SCHIP1: variants seen among roughly 807,000 people sequenced by gnomAD.
SCHIP1 encodes schwannomin-interacting protein 1.
In SCHIP1, 8 loss-of-function variants were observed where a neutral mutation model predicts 29.7. The observed-to-expected ratio is 0.27, with a 90% CI of 0.16 to 0.49. The LOEUF (loss-of-function observed/expected upper bound fraction) is 0.49, where lower values mean the gene tolerates loss of function less well. SCHIP1 is among the 20% of genes least tolerant of loss of function. The pLI is 0.99. For missense variants in SCHIP1, 193 were observed against 294.6 expected, an observed-to-expected ratio of 0.66 and a Z score of 2.52; for synonymous variants, 76 against 94.9, an observed-to-expected ratio of 0.80 and a Z score of 1.16.
At chr3:159,590,943 A>G in the SCHIP1 span, among the ~76,000 whole-genome samples, 1 of 152,274 alleles carries the variant, frequency 6.6e-6, no homozygotes, top group African/African-American at 2.4e-5. Context: ...GATGTCTTCA[A>G]TATGAATTTT....
the SCHIP1 span, among the ~76,000 whole-genome samples, chr3:159,498,138 T>C: frequency 9.2e-5 from 14 of 152,258 alleles, no homozygotes; most frequent in Admixed American, 7.2e-4. Context: ...AAAAATTCAA[T>C]TGACATCCCC....
the SCHIP1 span, among the ~76,000 whole-genome samples, chr3:159,533,311 C>A: frequency 1.3e-5 from 2 of 151,996 alleles, no homozygotes; most frequent in Non-Finnish European, 2.9e-5. Flanking sequence ...CAGAGGGAAG[C>A]AAAGGAAGGT....
chr3:159,464,611 C>T, the SCHIP1 span, among the ~76,000 whole-genome samples: 21 of 152,074 alleles, frequency 1.4e-4, no homozygotes, highest in Middle Eastern at 3.2e-3. Flanking sequence ...CATTAAATCC[C>T]TTCATGCTTT....
rs143040055 is a variant in SCHIP1 at position 159,892,488 on chromosome 3, C to G, written c.683+298C>G. On this transcript the variant is annotated intron_variant, in intron 6 of 6. Transcript: ENST00000445224. The stretch of plus-strand genomic sequence containing the variant: ...GGAGGACTTTACCTTGAAGGACTGT[C>G]CCCTGGGAAGCTGGGCATAAGCCAT... 131 of 554,946 alleles carry G rather than the reference C, an allele frequency of 2.4e-4. No individual in the cohort carries two copies. In the Middle Eastern group the frequency reaches 6.1e-3, roughly 26 times the overall value. 34.4% of individuals were successfully genotyped at this position (554,946 alleles called of 1,614,324 possible).
chr3:159,400,528 C>A, the SCHIP1 span, among the ~76,000 whole-genome samples: 14 of 152,184 alleles, frequency 9.2e-5, no homozygotes, highest in Admixed American at 7.9e-4. Context: ...AATAGCTGGA[C>A]TCAGTACACA....
chr3:159,657,332 T>G, the SCHIP1 span, among the ~76,000 whole-genome samples: 6 of 152,228 alleles, frequency 3.9e-5, no homozygotes, highest in African/African-American at 1.4e-4. Flanking sequence ...TCTCTGGACT[T>G]GTGCAGTCAC....
the SCHIP1 span, among the ~76,000 whole-genome samples, chr3:159,690,521 T>A: frequency 6.6e-6 from 1 of 152,352 alleles, no homozygotes; most frequent in South Asian, 2.1e-4. Context: ...AGTCTATCTA[T>A]TTTGTTAATC....
chr3:159,384,777 C>G, the SCHIP1 span, among the ~76,000 whole-genome samples: 1 of 152,044 alleles, frequency 6.6e-6, no homozygotes, highest in Non-Finnish European at 1.5e-5. Context: ...ATTATTGCCA[C>G]AATTTCAGAG....
At chr3:159,896,691 G>A (rs1046121704) in intron 6 of SCHIP1, 32 bp from the exon 8 acceptor site, 34 of 1,577,418 alleles carry the variant, frequency 2.2e-5, no homozygotes, top group Non-Finnish European at 2.8e-5. Context: ...CTCTCTACAT[G>A]ATGCTAAATA....
At chr3:159,424,914 A>C in the SCHIP1 span, among the ~76,000 whole-genome samples, 7 of 152,226 alleles carry the variant, frequency 4.6e-5, no homozygotes, top group Admixed American at 4.6e-4. Flanking sequence ...AGGATTTTCA[A>C]GCCAGAATTT....
chr3:159,369,512 T>TG, the SCHIP1 span, among the ~76,000 whole-genome samples: 88 of 151,816 alleles, frequency 5.8e-4, no homozygotes, highest in Admixed American at 1.1e-3. Flanking sequence ...GATCTCAATT[T>TG]GGGGGGGGAA....
At chr3:159,415,321 G>T in the SCHIP1 span, among the ~76,000 whole-genome samples, 1 of 152,046 alleles carries the variant, frequency 6.6e-6, no homozygotes, top group Non-Finnish European at 1.5e-5. Context: ...TTTTAGGTTT[G>T]GGGGTACATG....
At chr3:159,651,487 A>G in the SCHIP1 span, among the ~76,000 whole-genome samples, 23,854 of 152,154 alleles carry the variant, frequency 0.16, 5,174 homozygotes, top group African/African-American at 0.49. Flanking sequence ...CCATTTGTAA[A>G]AGCACAACAT....
At chr3:159,669,299 A>C in the SCHIP1 span, among the ~76,000 whole-genome samples, 204 of 152,364 alleles carry the variant, frequency 1.3e-3, no homozygotes, top group African/African-American at 4.6e-3. Flanking sequence ...CCTTTTAGGT[A>C]GACCCAAAGA....
At chr3:159,576,462 G>A in the SCHIP1 span, among the ~76,000 whole-genome samples, 1 of 151,948 alleles carries the variant, frequency 6.6e-6, no homozygotes, top group Admixed American at 6.6e-5. Context: ...ACCCTTTAAT[G>A]TATCTACCTA....
the SCHIP1 span, among the ~76,000 whole-genome samples, chr3:159,494,752 T>C: frequency 6.6e-6 from 1 of 152,228 alleles, no homozygotes; most frequent in Non-Finnish European, 1.5e-5. Flanking sequence ...TAACTCATTT[T>C]TTTAGGCCAG....
At chr3:159,347,892 A>G in the SCHIP1 span, among the ~76,000 whole-genome samples, 1 of 152,326 alleles carries the variant, frequency 6.6e-6, no homozygotes, top group East Asian at 1.9e-4. Context: ...TTTTATTCAC[A>G]ATCCTGGTAT....
chr3:159,724,144 T>C, the SCHIP1 span, among the ~76,000 whole-genome samples: 1 of 152,198 alleles, frequency 6.6e-6, no homozygotes, highest in Admixed American at 6.5e-5. Context: ...TTTTAATATT[T>C]TCTATAGGGA....
the SCHIP1 span, among the ~76,000 whole-genome samples, chr3:159,828,397 G>GTATATATATGTA: frequency 1.1e-5 from 1 of 87,528 alleles, no homozygotes; most frequent in Non-Finnish European, 2.3e-5. Flanking sequence ...ACATATATAC[G>GTATATATATGTA]TATATATATA....
Sources: gnomAD v4.1 joint callset for allele counts (sites outside exome capture counted in the v4.1 genomes callset) on GRCh38, gnomAD v4.1.1 for gene constraint, MANE v1.5 for transcripts, NCBI Gene and HGNC (gene_info 2026-07-23, HGNC 2026-07-21) for gene names.